Variants in GMDS observed in about 807,000 individuals in gnomAD.
GMDS encodes GDP-mannose 4,6-dehydratase.
In GMDS, 20 loss-of-function variants were observed where a neutral mutation model predicts 49.9. The ratio of observed to expected loss-of-function variants is 0.40; its 90% CI spans 0.28 to 0.58. GMDS has a LOEUF of 0.58. GMDS is among the 20% of genes least tolerant of loss of function. The pLI is 0.42. For synonymous variants in GMDS, 177 were observed against 178.6 expected (o/e 0.99, Z 0.07); for missense variants, 362 against 481.4 (o/e 0.75, Z 2.32).
chr6:1,915,390 G>A (rs1269490714), intron 7 of GMDS, among the ~76,000 whole-genome samples: 1 of 152,218 alleles, frequency 6.6e-6, no homozygotes, highest in Non-Finnish European at 1.5e-5. Flanking sequence ...CATCTGCAGA[G>A]GCAGCTGAGT....
chr6:2,132,896 G>C (rs553956817), intron 1 of GMDS, among the ~76,000 whole-genome samples: 3 of 152,106 alleles, frequency 2.0e-5, no homozygotes, highest in Non-Finnish European at 4.4e-5. Flanking sequence ...CAGGTGTGTA[G>C]GGAAGTTAAT....
intron 4 of GMDS, among the ~76,000 whole-genome samples, chr6:2,105,681 G>A (rs1279322155): frequency 6.6e-6 from 1 of 152,090 alleles, no homozygotes; most frequent in Non-Finnish European, 1.5e-5. Flanking sequence ...ATTTCTAAAA[G>A]ACTTTACTGT....
intron 7 of GMDS, among the ~76,000 whole-genome samples, chr6:1,838,001 G>A (rs542586707): frequency 6.6e-6 from 1 of 152,298 alleles, no homozygotes; most frequent in East Asian, 1.9e-4. Context: ...AGGGCAAAAG[G>A]TGCATGAAGG....
Position 2,120,142 on chromosome 6 carries a change from T to C in GMDS, c.148-2586A>G, listed in dbSNP as rs140491903. The stretch of plus-strand genomic sequence containing the variant: ...GCTAACACTTACACAGCAATGATCA[T>C]GTACTGGACACCGTTCTCTGTATGT... On this transcript the variant is annotated intron_variant, in intron 2 of 10. Transcript: ENST00000380815. Among the ~76,000 whole-genome samples the C allele has an allele frequency of 2.0e-5, 3 of 152,330 alleles. No individual in the cohort carries two copies. The East Asian group carries it at 5.8e-4, about 29-fold the overall frequency.
intron 7 of GMDS, among the ~76,000 whole-genome samples, chr6:1,843,042 G>A (rs1005602429): frequency 7.9e-5 from 12 of 151,736 alleles, no homozygotes; most frequent in African/African-American, 2.2e-4. Context: ...GGAGGCGGAG[G>A]TTGCAGTGAG....
intron 7 of GMDS, among the ~76,000 whole-genome samples, chr6:1,827,644 T>C (rs1021769008): frequency 6.6e-5 from 10 of 152,106 alleles, no homozygotes; most frequent in African/African-American, 2.4e-4. Context: ...TTGCACATAT[T>C]TTTTTTGGCT....
At chr6:2,230,526 A>T (rs1781038882) in intron 1 of GMDS, among the ~76,000 whole-genome samples, 1 of 152,214 alleles carries the variant, frequency 6.6e-6, no homozygotes, top group Non-Finnish European at 1.5e-5. Context: ...AACTAAAATG[A>T]AATTTTCCAT....
intron 4 of GMDS, among the ~76,000 whole-genome samples, chr6:2,030,765 C>T (rs73410446): frequency 0.02 from 3,061 of 152,182 alleles, 66 homozygotes; most frequent in South Asian, 0.094. Flanking sequence ...CATAGTAAAA[C>T]TGTTATAAAG....
chr6:2,060,044 C>T (rs1771053449), intron 4 of GMDS, among the ~76,000 whole-genome samples: 1 of 152,080 alleles, frequency 6.6e-6, no homozygotes, highest in Non-Finnish European at 1.5e-5. Flanking sequence ...ATAAACCTCC[C>T]TCATTTTTTC....
intron 7 of GMDS, among the ~76,000 whole-genome samples, chr6:1,795,422 T>C (rs768844865): frequency 2.6e-5 from 4 of 152,158 alleles, no homozygotes; most frequent in Non-Finnish European, 4.4e-5. Flanking sequence ...TGAATATTCA[T>C]CCCTTTTCCC....
chr6:1,802,230 A>G (rs990593803), intron 7 of GMDS, among the ~76,000 whole-genome samples: 7 of 152,368 alleles, frequency 4.6e-5, no homozygotes, highest in African/African-American at 1.7e-4. Context: ...ATAAATTAAT[A>G]CTGTCCTAAT....
intron 3 of GMDS, among the ~76,000 whole-genome samples, chr6:2,116,656 C>T (rs750402788): frequency 3.9e-5 from 6 of 152,144 alleles, no homozygotes; most frequent in African/African-American, 4.8e-5. Context: ...TACAAGTAGC[C>T]CAAACCTTCA....
At chr6:1,757,907 A>G (rs1183539757) in intron 7 of GMDS, among the ~76,000 whole-genome samples, 3 of 152,248 alleles carry the variant, frequency 2.0e-5, no homozygotes, top group Admixed American at 2.0e-4. Context: ...GAATATATCC[A>G]GTATGTTACC....
At chr6:1,697,373 C>T (rs1462147776) in intron 9 of GMDS, among the ~76,000 whole-genome samples, 1 of 152,210 alleles carries the variant, frequency 6.6e-6, no homozygotes, top group Admixed American at 6.5e-5. Flanking sequence ...TCCCAGGTTG[C>T]CCAGGACTTT....
chr6:1,658,887 C>T (rs562003919), intron 9 of GMDS, among the ~76,000 whole-genome samples: 4 of 152,318 alleles, frequency 2.6e-5, no homozygotes, highest in South Asian at 2.1e-4. Flanking sequence ...AAAGAGACGT[C>T]CTGGAATACC....
At chr6:1,823,667 T>C (rs1254988476) in intron 7 of GMDS, among the ~76,000 whole-genome samples, 3 of 152,212 alleles carry the variant, frequency 2.0e-5, no homozygotes, top group East Asian at 3.8e-4. Context: ...ACATACTGTT[T>C]TCCAGTAAAT....
chr6:2,056,565 G>C (rs556096807), intron 4 of GMDS, among the ~76,000 whole-genome samples: 1 of 152,126 alleles, frequency 6.6e-6, no homozygotes, highest in East Asian at 1.9e-4. Flanking sequence ...AGAGACCATG[G>C]TTTTCAACCC....
intron 9 of GMDS, among the ~76,000 whole-genome samples, chr6:1,703,264 C>T (rs531685957): frequency 2.0e-5 from 3 of 152,230 alleles, no homozygotes; most frequent in East Asian, 3.9e-4. Flanking sequence ...GTCCCTGCCT[C>T]CACCCCTCTG....
chr6:1,891,109 T>C (rs1238941122), intron 7 of GMDS, among the ~76,000 whole-genome samples: 1 of 152,254 alleles, frequency 6.6e-6, no homozygotes, highest in Non-Finnish European at 1.5e-5. Flanking sequence ...CCTGGTCTGA[T>C]ACATAAAGCC....
Sources: allele counts gnomAD v4.1 joint callset (sites outside exome capture counted in the v4.1 genomes callset), GRCh38; gene constraint gnomAD v4.1.1; transcripts MANE v1.5; gene names NCBI Gene and HGNC (gene_info 2026-07-23, HGNC 2026-07-21).